POM121: variants seen among roughly 807,000 people sequenced by gnomAD.
POM121 encodes the protein nuclear envelope pore membrane protein POM 121.
A neutral mutation model predicts 81.3 loss-of-function variants in POM121; 32 were observed. The ratio of observed to expected loss-of-function variants is 0.39; its 90% CI spans 0.30 to 0.53. The LOEUF (loss-of-function observed/expected upper bound fraction) is 0.53, where lower values mean the gene tolerates loss of function less well. Ranked by LOEUF, POM121 falls within the 20% of genes least tolerant of loss-of-function variation. The pLI is 0.66. For synonymous variants in POM121, 514 were observed against 694.2 expected (o/e 0.74, Z 4.08); for missense variants, 1,138 against 1,614.6 (o/e 0.70, Z 5.06).
chr7:72,901,208 T>G (rs559743363), intron 3 of POM121, among the ~76,000 whole-genome samples: 3 of 151,746 alleles, frequency 2.0e-5, no homozygotes, highest in African/African-American at 2.4e-5. Flanking sequence ...GCACCTTTTT[T>G]TCTTTTTTTC....
chr7:72,942,954 T>C lies in POM121; in HGVS notation c.2961T>C (p.Leu987=). 2 of 1,605,758 alleles carry C rather than the reference T, an allele frequency of 1.2e-6. No homozygotes were observed. The highest frequency in any genetic ancestry group is 1.1e-5 in the South Asian group (1 of 90,214). ...GQPPGAAKPA[L]APSFGSSFTF... ...CACCGGGGGCCGCCAAGCCGGCCCT[T>C]GCCCCCAGCTTTGGCAGCTCTTTCA... is the stretch of plus-strand genomic sequence containing the variant. The change falls in exon 11 of 13, where the codon CTT becomes CTC. Residue 987 remains leucine, a synonymous_variant. Coordinates refer to ENST00000434423, the MANE Select transcript of POM121 (RefSeq NM_001387691.1).
Position 72,945,603 on chromosome 7 carries a change from T to G in POM121, c.3547T>G (p.Phe1183Val), listed in dbSNP as rs782236655. 7 of 1,613,344 alleles carry G rather than the reference T, an allele frequency of 4.3e-6. No homozygotes were observed. The highest frequency in any genetic ancestry group is 5.9e-6 in the Non-Finnish European group (7 of 1,179,710). ...PVFGGTATPTFGLNTPAPGVG... is the reference protein window; with the variant it reads ...PVFGGTATPTVGLNTPAPGVG... ...CATTCCAGGCACCGCCACCCCCACC[T>G]TTGGTCTGAACACCCCTGCGCCTGG... The change falls in exon 12 of 13, where the codon TTT (phenylalanine) becomes GTT (valine). Residue 1183 changes from phenylalanine (F) to valine (V), a missense_variant. Phe to Val is a conservative substitution (Grantham distance 50, BLOSUM62 -1). Coordinates refer to ENST00000434423, the MANE Select transcript of POM121 (RefSeq NM_001387691.1).
In POM121 at chr7:72,890,250, C is replaced by T. The variant is rs199752532; in HGVS notation, c.-520-377C>T. On this transcript the variant is annotated intron_variant, in intron 1 of 15. Transcript: ENST00000395270. ...TGGGCACTCCAACATGAGGAGGTCC[C>T]GGAGAAGGGGAGCGCCTGGCAGCAA... Among the ~76,000 whole-genome samples the T allele has an allele frequency of 2.6e-5, 4 of 151,330 alleles. No individual in the cohort carries two copies. In the East Asian group the frequency reaches 5.8e-4, roughly 22 times the overall value.
At chr7:72,948,391 G>T (rs576222002), downstream of POM121, 1 of 1,613,290 alleles carries the variant, frequency 6.2e-7, no homozygotes, top group Non-Finnish European at 8.5e-7. Context: ...CTTTCAAAAC[G>T]CAAACTGCTG....
intron 4 of POM121, among the ~76,000 whole-genome samples, chr7:72,918,285 T>C (rs1794482686): frequency 6.6e-6 from 1 of 152,062 alleles, no homozygotes; most frequent in Non-Finnish European, 1.5e-5. Flanking sequence ...GTAGCCGGTG[T>C]TTTTCCTTGA....
intron 3 of POM121, among the ~76,000 whole-genome samples, chr7:72,906,722 G>C (rs1450842523): frequency 6.6e-6 from 1 of 152,040 alleles, no homozygotes; most frequent in African/African-American, 2.4e-5. Flanking sequence ...TCCTGGGCTT[G>C]AGTGGTTCTC....
At chr7:72,931,452 A>G (rs1796012523) in intron 5 of POM121, among the ~76,000 whole-genome samples, 1 of 152,198 alleles carries the variant, frequency 6.6e-6, no homozygotes, top group African/African-American at 2.4e-5. Context: ...ATAATTCATA[A>G]TATTCCAAAT....
At chr7:72,908,154 T>C (rs1793451569) in intron 3 of POM121, among the ~76,000 whole-genome samples, 1 of 152,266 alleles carries the variant, frequency 6.6e-6, no homozygotes, top group Non-Finnish European at 1.5e-5. Flanking sequence ...TCTTCAATGA[T>C]GTCGGGGGAA....
chr7:72,923,842 C>A (rs1554496491), upstream of POM121, among the ~76,000 whole-genome samples: 1 of 151,990 alleles, frequency 6.6e-6, no homozygotes, highest in Non-Finnish European at 1.5e-5. Context: ...CTCAGATGAT[C>A]CGCCCACCTC....
chr7:72,933,180 G>T (rs868951843), intron 5 of POM121, among the ~76,000 whole-genome samples: 6 of 150,960 alleles, frequency 4.0e-5, no homozygotes, highest in African/African-American at 1.5e-4. Context: ...GGCAAAAACC[G>T]GTTGCTACTA....
At chr7:72,950,300 A>C, downstream of POM121, 1 of 1,004,268 alleles carries the variant, frequency 1.0e-6, no homozygotes, top group Non-Finnish European at 1.4e-6. Context: ...GCTATGGAGA[A>C]ATCAACAGGG....
At chr7:72,934,723 T>C (rs1490460692) in intron 5 of POM121, among the ~76,000 whole-genome samples, 2 of 152,184 alleles carry the variant, frequency 1.3e-5, no homozygotes, top group African/African-American at 2.4e-5. Flanking sequence ...GTTTTTGTTG[T>C]TGTTGTTGTT....
At chr7:72,917,037 C>T (rs1554495193) in intron 4 of POM121, among the ~76,000 whole-genome samples, 1 of 152,166 alleles carries the variant, frequency 6.6e-6, no homozygotes, top group African/African-American at 2.4e-5. Context: ...TTGAATATTG[C>T]AAGGTAGTAA....
Position 72,930,067 on chromosome 7 carries a change from A to G in POM121, c.1231A>G (p.Asn411Asp), listed in dbSNP as rs1795862223. 1.9e-6 allele frequency: 3 copies of G among 1,613,936 alleles called. No individual in the cohort carries two copies. The highest frequency in any genetic ancestry group is 1.1e-5 in the South Asian group (1 of 91,076). ...AAGTGGCATCCCTAGCTCCAGCCGC[A>G]ATGCCATTACCAGTTCCTACAGCTC... ...YASGIPSSSR[N>D]AITSSYSSTR... The change falls in exon 5 of 13, where the codon AAT (asparagine) becomes GAT (aspartate). Residue 411 changes from asparagine to aspartate, a missense_variant. By Grantham distance (23) the Asn-to-Asp change is conservative. Transcript: ENST00000434423.
chr7:72,894,669 G>GAGAT (rs1791736845), intron 3 of POM121, among the ~76,000 whole-genome samples: 1 of 149,582 alleles, frequency 6.7e-6, no homozygotes, highest in Non-Finnish European at 1.5e-5. Context: ...GAGAGAGAGA[G>GAGAT]AGAGAGAGAG....
chr7:72,931,890 G>A (rs3925336), intron 5 of POM121, among the ~76,000 whole-genome samples: 12 of 152,202 alleles, frequency 7.9e-5, no homozygotes, highest in African/African-American at 1.9e-4. Flanking sequence ...TCAAAATAGC[G>A]GTATCAGTGT....
intron 3 of POM121, among the ~76,000 whole-genome samples, chr7:72,894,681 G>GA (rs1210955228): frequency 7.3e-6 from 1 of 136,754 alleles, no homozygotes. Flanking sequence ...GAGAGAGAGA[G>GA]ATCTCCGTCC....
intron 4 of POM121, among the ~76,000 whole-genome samples, chr7:72,915,590 G>C (rs1794219398): frequency 6.6e-6 from 1 of 152,134 alleles, no homozygotes; most frequent in East Asian, 1.9e-4. Flanking sequence ...GGCCAGGCTG[G>C]TCTTGAACTC....
intron 10 of POM121, among the ~76,000 whole-genome samples, chr7:72,941,388 C>T (rs1412798989): frequency 6.6e-5 from 10 of 150,516 alleles, no homozygotes; most frequent in African/African-American, 2.2e-4. Context: ...TGCTGGTGTT[C>T]CCGGCCCAGG....
Sources: gnomAD v4.1 joint callset for allele counts (sites outside exome capture counted in the v4.1 genomes callset) on GRCh38, gnomAD v4.1.1 for gene constraint, MANE v1.5 for transcripts, NCBI Gene and HGNC (gene_info 2026-07-23, HGNC 2026-07-21) for gene names.